The following MEDAG variants were observed in gnomAD, a reference collection of about 807,000 sequenced individuals.
The protein encoded by MEDAG is mesenteric estrogen-dependent adipogenesis protein.
MEDAG carries 25 observed loss-of-function variants against 29.9 expected under a neutral mutation model. The ratio of observed to expected loss-of-function variants is 0.84; its 90% CI spans 0.61 to 1.17. The LOEUF (loss-of-function observed/expected upper bound fraction) is 1.17, where lower values mean the gene tolerates loss of function less well. Ranked by LOEUF, MEDAG falls within the 50% of genes most tolerant of loss-of-function variation. The pLI, the probability that MEDAG is intolerant of heterozygous loss-of-function variation, is 0.00. For missense variants in MEDAG, 398 were observed against 372.9 expected (o/e 1.07, Z -0.56); for synonymous variants, 158 against 148.2 (o/e 1.07, Z -0.48).
intron 1 of MEDAG, chr13:30,916,744 T>C (rs559388391): frequency 6.6e-6 from 1 of 152,472 alleles, no homozygotes; most frequent in African/African-American, 2.4e-5. Flanking sequence ...GCTAACATGC[T>C]GGATGACAGA....
chr13:30,906,773 C>T lies in MEDAG; in HGVS notation c.258C>T (p.Arg86=), dbSNP rs759261637. 56 of 1,508,480 alleles carry T rather than the reference C, an allele frequency of 3.7e-5. No individual in the cohort carries two copies. In the Middle Eastern group the frequency reaches 5.8e-4, roughly 16 times the overall value. The allele number at this position is 1,508,480 out of a possible 1,614,324, so 93.4% of individuals were successfully genotyped here. Reference sequence around the variant, plus strand: ...TGCGCCTCGACGGGCAGCTCTACCGCCTCAGCAGCTACATCAAGAGGTGGG... The same window carrying T: ...TGCGCCTCGACGGGCAGCTCTACCGTCTCAGCAGCTACATCAAGAGGTGGG... ...GLVRLDGQLY[R]LSSYIKRYVE... The change falls in exon 1 of 5, where the codon CGC becomes CGT. Residue 86 remains arginine (R), a synonymous_variant. Coordinates refer to ENST00000380482, the MANE Select transcript of MEDAG (RefSeq NM_032849.4).
intron 1 of MEDAG, 35 bp downstream of exon 1, chr13:30,906,828 C>A: frequency 7.0e-7 from 1 of 1,426,998 alleles, no homozygotes; most frequent in South Asian, 1.5e-5. Flanking sequence ...GGCCCGTCGC[C>A]TGGTACCCGC....
At position 30,924,564 on chromosome 13, in the gene MEDAG, CT is replaced by C; in HGVS notation, c.*130del. 6.4e-5 allele frequency: 59 copies of C among 919,346 alleles called. No homozygotes were observed. The highest frequency in any genetic ancestry group is 9.4e-5 in the Non-Finnish European group (58 of 618,862). The allele number at this position is 919,346 out of a possible 1,614,324, so 56.9% of individuals were successfully genotyped here. On this transcript the variant is annotated 3_prime_UTR_variant, in exon 5 of 5. Transcript: ENST00000380482. Reference sequence around the variant, plus strand: ...TCAATCTCCGGCTCCTCCATGGCTTCTATGGAGGACTCCTCTCTTCTGCTTC... The same window carrying C: ...TCAATCTCCGGCTCCTCCATGGCTTCATGGAGGACTCCTCTCTTCTGCTTC...
At position 30,924,420 on chromosome 13, in the gene MEDAG, C is replaced by G. The variant is rs1953021138; in HGVS notation, c.897C>G (p.Pro299=). 1 of 1,613,930 alleles carries G rather than the reference C, an allele frequency of 6.2e-7. No homozygotes were observed. The highest frequency in any genetic ancestry group is 1.3e-5 in the African/African-American group (1 of 74,912). The part of the protein sequence containing the change: ...FPSVLESEET[P]NQFI ...GTGTTCTGGAATCTGAAGAGACACCCAACCAATTTATCTGATTGAACTGAA... is the reference window on the plus strand; with the variant it reads ...GTGTTCTGGAATCTGAAGAGACACCGAACCAATTTATCTGATTGAACTGAA... Residue 299 remains proline, a synonymous_variant, in exon 5 of 5, where the codon CCC becomes CCG. Transcript: ENST00000380482.
At chr13:30,923,102 G>A (rs530434075) in intron 4 of MEDAG, among the ~76,000 whole-genome samples, 2 of 152,020 alleles carry the variant, frequency 1.3e-5, no homozygotes, top group South Asian at 4.2e-4. Context: ...TGTGGTTTTA[G>A]TAGAGACGGG....
In MEDAG at chr13:30,906,625, T is replaced by C. The variant is rs1211910883; in HGVS notation, c.110T>C (p.Leu37Pro). 1.6e-5 allele frequency: 25 copies of C among 1,582,844 alleles called. No individual in the cohort carries two copies. The highest frequency in any genetic ancestry group is 2.1e-5 in the Non-Finnish European group (25 of 1,173,090). ...TCDCELALLPLAQLLRLQPGA... is the reference protein window; with the variant it reads ...TCDCELALLPPAQLLRLQPGA... The stretch of plus-strand genomic sequence containing the variant: ...GACTGCGAGCTGGCCCTGCTGCCGC[T>C]GGCTCAGCTGCTGCGCCTGCAGCCC... The change falls in exon 1 of 5, where the codon CTG becomes CCG. Residue 37 changes from leucine (L) to proline (P), a missense_variant. Physicochemically the swap from Leu to Pro is moderately conservative, Grantham distance 98 (BLOSUM62 -3). Coordinates refer to ENST00000380482, the MANE Select transcript of MEDAG (RefSeq NM_032849.4).
chr13:30,914,192 T>C (rs981070372), intron 1 of MEDAG, among the ~76,000 whole-genome samples: 3 of 152,326 alleles, frequency 2.0e-5, no homozygotes, highest in Middle Eastern at 3.4e-3. Flanking sequence ...TCCGATCTTA[T>C]CGTGTTTTAG....
Position 30,924,771 on chromosome 13 carries a change from G to T in MEDAG, c.*336G>T, listed in dbSNP as rs1397564089. On this transcript the variant is annotated 3_prime_UTR_variant, in exon 5 of 5. Transcript: ENST00000380482. ...TCTGCCACCCTGAACATTTTTCTCA[G>T]TTCCCTGGGAGTTTTTGTGGCAGCC... 2.2e-5 allele frequency: 4 copies of T among 180,812 alleles called. No individual in the cohort carries two copies. Among genetic ancestry groups the T allele is most frequent in the Non-Finnish European group, 4.6e-5 (4 of 87,384 alleles). The allele number at this position is 180,812 out of a possible 1,614,324, so 11.2% of individuals were successfully genotyped here.
At chr13:30,923,771 T>TG (rs1207729248) in intron 4 of MEDAG, among the ~76,000 whole-genome samples, 1 of 152,322 alleles carries the variant, frequency 6.6e-6, no homozygotes, top group South Asian at 2.1e-4. Flanking sequence ...ACCCCATCTT[T>TG]GGGACACTGA....
intron 1 of MEDAG, among the ~76,000 whole-genome samples, chr13:30,909,559 C>T (rs569807443): frequency 2.8e-4 from 43 of 152,220 alleles, no homozygotes; most frequent in African/African-American, 9.4e-4. Context: ...GAGAATTCTA[C>T]GTAGATTCCC....
Position 30,924,628 on chromosome 13 carries a change from T to G in MEDAG, c.*193T>G. 2.0e-6 allele frequency: 1 copy of G among 511,074 alleles called. No homozygotes were observed. Among genetic ancestry groups the G allele is most frequent in the Non-Finnish European group, 3.4e-6 (1 of 298,004 alleles). The allele number at this position is 511,074 out of a possible 1,614,324, so 31.7% of individuals were successfully genotyped here. On this transcript the variant is annotated 3_prime_UTR_variant, in exon 5 of 5. Transcript: ENST00000380482. Reference sequence around the variant, plus strand: ...GCCCTGGCAGGCCCAGGGCAGCTGATTCCCCTAAAACTTATGATTACCAGG... The same window carrying G: ...GCCCTGGCAGGCCCAGGGCAGCTGAGTCCCCTAAAACTTATGATTACCAGG...
chr13:30,910,576 T>C (rs1952873051), intron 1 of MEDAG, among the ~76,000 whole-genome samples: 2 of 152,250 alleles, frequency 1.3e-5, no homozygotes, highest in South Asian at 2.1e-4. Context: ...AATCTTGCTT[T>C]CTCACTCATT....
intron 2 of MEDAG, among the ~76,000 whole-genome samples, chr13:30,918,365 T>G (rs141949474): frequency 6.6e-6 from 1 of 152,174 alleles, no homozygotes; most frequent in African/African-American, 2.4e-5. Context: ...CAAACTAGGA[T>G]GCGTAATTAT....
chr13:30,921,802 G>C lies in MEDAG; in HGVS notation c.743G>C (p.Arg248Pro). ...FLEKMSEPLI[R>P]RSSFSDRKFS... ...GAAAAAATGAGTGAGCCTTTAATCC[G>C]AAGGAGCAGTTTCTCTGACCGAAAG... Residue 248 changes from arginine (R) to proline (P), a missense_variant, in exon 4 of 5, where the codon CGA becomes CCA. By Grantham distance (103) the Arg-to-Pro change is moderately radical. Transcript: ENST00000380482. 1 of 1,611,666 alleles carries C rather than the reference G, an allele frequency of 6.2e-7. No individual in the cohort carries two copies. Among genetic ancestry groups the C allele is most frequent in the Non-Finnish European group, 8.5e-7 (1 of 1,179,358 alleles).
rs1953022240 is a variant in MEDAG at position 30,924,484 on chromosome 13, G to C, written c.*49G>C. 5 of 1,567,878 alleles carry C rather than the reference G, an allele frequency of 3.2e-6. No individual in the cohort carries two copies. The African/African-American group carries it at 5.4e-5, about 17-fold the overall frequency. On this transcript the variant is annotated 3_prime_UTR_variant, in exon 5 of 5. Coordinates refer to ENST00000380482, the MANE Select transcript of MEDAG (RefSeq NM_032849.4). ...GCTCCCGCACTCCAGGCCTGTGCTA[G>C]ACTATAGGCTGGGGGGAGGGTAGGA...
At chr13:30,914,078 C>T (rs1434394969) in intron 1 of MEDAG, among the ~76,000 whole-genome samples, 2 of 152,036 alleles carry the variant, frequency 1.3e-5, no homozygotes, top group African/African-American at 4.8e-5. Context: ...CAAAGAAGAT[C>T]AAATAACTAG....
intron 1 of MEDAG, among the ~76,000 whole-genome samples, 156 bp downstream of exon 1, chr13:30,906,949 ACCCGGAGCCTG>A (rs1282143294): frequency 6.6e-6 from 1 of 151,766 alleles, no homozygotes; most frequent in Admixed American, 6.6e-5. Context: ...TGCTTCTATC[ACCCGGAGCCTG>A]CACGCTCGCC....
intron 1 of MEDAG, among the ~76,000 whole-genome samples, chr13:30,913,995 CTG>C (rs1172945425): frequency 3.3e-5 from 5 of 152,108 alleles, no homozygotes; most frequent in Non-Finnish European, 5.9e-5. Context: ...TGAGCCAAGA[CTG>C]TGCCAGTGCA....
intron 1 of MEDAG, among the ~76,000 whole-genome samples, chr13:30,907,964 T>A (rs1162282785): frequency 6.6e-6 from 1 of 152,232 alleles, no homozygotes; most frequent in Admixed American, 6.5e-5. Flanking sequence ...AAATGAAAAT[T>A]CCAATTCCAA....
Sources: gnomAD v4.1 joint callset for allele counts (sites outside exome capture counted in the v4.1 genomes callset) on GRCh38, gnomAD v4.1.1 for gene constraint, MANE v1.5 for transcripts, NCBI Gene and HGNC (gene_info 2026-07-23, HGNC 2026-07-21) for gene names.